The following CYP4V2 variants were observed in gnomAD, a reference collection of about 807,000 sequenced individuals.
CYP4V2 encodes the protein cytochrome P450 family 4 subfamily V member 2.
In CYP4V2, 55 loss-of-function variants were observed where a neutral mutation model predicts 60.8. That is an observed-to-expected ratio of 0.90 (90% CI 0.73 to 1.13). The LOEUF (loss-of-function observed/expected upper bound fraction) is 1.13. Ranked by LOEUF, CYP4V2 falls within the 50% of genes most tolerant of loss-of-function variation. The pLI is 0.00. For synonymous variants in CYP4V2, 239 were observed against 236.8 expected, an observed-to-expected ratio of 1.01 and a Z score of -0.08; for missense variants, 675 against 662.9, an observed-to-expected ratio of 1.02 and a Z score of -0.20.
At position 186,212,858 on chromosome 4, in the gene CYP4V2, A is replaced by G. The variant is rs1736772653; in HGVS notation, c.*2217A>G. 6.6e-6 allele frequency: 1 copy of G among 152,246 alleles called. No homozygotes were observed. Among genetic ancestry groups the G allele is most frequent in the African/African-American group, 2.4e-5 (1 of 41,470 alleles). 9.4% of individuals were successfully genotyped at this position (152,246 alleles called of 1,614,324 possible). On this transcript the variant is annotated 3_prime_UTR_variant, in exon 11 of 11. Transcript: ENST00000378802. ...ATCCCAAAGAGCCACAGTGCCTACA[A>G]CCCAGGCCCTAAGTTGATGAAGAAA...
intron 1 of CYP4V2, 41 bp downstream of exon 1, chr4:186,192,078 A>G: frequency 2.0e-6 from 3 of 1,536,632 alleles, no homozygotes; most frequent in Non-Finnish European, 1.7e-6. Flanking sequence ...CGGGGTCCGC[A>G]GCCCCGTTCC....
At chr4:186,198,463 A>G (rs1579965437) in intron 5 of CYP4V2, among the ~76,000 whole-genome samples, 1 of 152,326 alleles carries the variant, frequency 6.6e-6, no homozygotes, top group South Asian at 2.1e-4. Context: ...AGGAGATCAC[A>G]TAGGGGTCTT....
At chr4:186,200,180 C>T (rs1323388932) in intron 6 of CYP4V2, among the ~76,000 whole-genome samples, 1 of 151,994 alleles carries the variant, frequency 6.6e-6, no homozygotes, top group Non-Finnish European at 1.5e-5. Flanking sequence ...CCTACTGAGG[C>T]CTGGGCTCTA....
intron 7 of CYP4V2, chr4:186,202,849 C>CATGCACAT (rs1736359191): frequency 6.6e-6 from 1 of 152,058 alleles, no homozygotes; most frequent in African/African-American, 2.4e-5. Context: ...CATGCACATA[C>CATGCACAT]ACACACATGC....
rs1391063379 is a variant in CYP4V2, at chr4:186,209,214, A to C, written c.1347A>C (p.Ala449=). The C allele has an allele frequency of 5.6e-6, 9 of 1,614,022 alleles. No homozygotes were observed. Among genetic ancestry groups the C allele is most frequent in the Non-Finnish European group, 7.6e-6 (9 of 1,180,020 alleles). ...FQPERFFPEN[A]QGRHPYAYVP... is the part of the protein sequence containing the mutation. ...CTGAGCGGTTCTTCCCCGAGAATGC[A>C]CAAGGGCGCCATCCATATGCCTACG... is the stretch of plus-strand genomic sequence containing the variant. Residue 449 remains alanine (A), a synonymous_variant, in exon 10 of 11, where the codon GCA becomes GCC. Transcript: ENST00000378802.
At position 186,213,349 on chromosome 4, in the gene CYP4V2, A is replaced by G. The variant is rs1463658668; in HGVS notation, c.*2708A>G. 6.6e-6 allele frequency: 1 copy of G among 152,252 alleles called. No homozygotes were observed. The highest frequency in any genetic ancestry group is 1.5e-5 in the Non-Finnish European group (1 of 68,042). The allele number at this position is 152,252 out of a possible 1,614,324, so 9.4% of individuals were successfully genotyped here. ...AATAAATTCTATTTTAGATGCAGGT[A>G]CTGCATTTTATTCTAAGAATTGATA... On this transcript the variant is annotated 3_prime_UTR_variant, in exon 11 of 11. Transcript: ENST00000378802.
chr4:186,194,705 C>G, intron 2 of CYP4V2, 93 bp downstream of exon 2: 1 of 1,190,920 alleles, frequency 8.4e-7, no homozygotes, highest in Non-Finnish European at 1.2e-6. Context: ...TATATTTCAG[C>G]CATTTCAGCA....
rs72646248 is a variant in CYP4V2, at chr4:186,195,275, T to C, written c.327+663T>C. 7.1e-3 allele frequency among the ~76,000 whole-genome samples: 1,086 copies of C among 152,272 alleles called. 10 individuals carry two copies. The highest frequency in any genetic ancestry group is 0.024 in the African/African-American group (994 of 41,540). Reference sequence around the variant, plus strand: ...TGTCTTTCTAATTATGGTGAAAATGTTGGAGTTTCTCTTGCTTCTCCAGAA... The same window carrying C: ...TGTCTTTCTAATTATGGTGAAAATGCTGGAGTTTCTCTTGCTTCTCCAGAA... On this transcript the variant is annotated intron_variant, in intron 2 of 10. Transcript: ENST00000378802. This position sits in a 1 kb window ranked among gnomAD's most constrained non-coding sequence, Gnocchi z 4.1.
intron 10 of CYP4V2, among the ~76,000 whole-genome samples, chr4:186,209,804 G>A (rs916357263): frequency 9.9e-5 from 15 of 152,164 alleles, no homozygotes; most frequent in Non-Finnish European, 1.8e-4. Flanking sequence ...TTTGGAGAGA[G>A]ACACAATTAC....
Position 186,201,208 on chromosome 4 carries a change from G to A in CYP4V2, c.853G>A (p.Asp285Asn). Residue 285 changes from aspartate (D) to asparagine (N), a missense_variant, in exon 7 of 11, where the codon GAT (aspartate) becomes AAT (asparagine). Transcript: ENST00000378802. Reference sequence around the variant, plus strand: ...GAACGCCAATGAAGACTGTAGAGGTGATGGCAGGGGCTCTGCCCCCTCCAA... The same window carrying A: ...GAACGCCAATGAAGACTGTAGAGGTAATGGCAGGGGCTCTGCCCCCTCCAA... ...EMNANEDCRG[D>N]GRGSAPSKNK... 6.2e-7 allele frequency: 1 copy of A among 1,614,190 alleles called. No homozygotes were observed. The highest frequency in any genetic ancestry group is 2.2e-5 in the East Asian group (1 of 44,860).
Position 186,201,283 on chromosome 4 carries a change from G to T in CYP4V2, c.928G>T (p.Glu310Ter), listed in dbSNP as rs894863416. The T allele has an allele frequency of 1.9e-6, 3 of 1,614,064 alleles. No individual in the cohort carries two copies. Among genetic ancestry groups the T allele is most frequent in the Non-Finnish European group, 2.5e-6 (3 of 1,180,046 alleles). ...LDLLLSVTDDEGNRLSHEDIR... is the reference protein window; with the variant it reads ...LDLLLSVTDD ...CTTGCTTTTAAGTGTGACTGATGACGAAGGGAACAGGCTAAGTCATGAAGA... is the reference window on the plus strand; with the variant it reads ...CTTGCTTTTAAGTGTGACTGATGACTAAGGGAACAGGCTAAGTCATGAAGA... Residue 310 changes from glutamate (E) to a stop codon, truncating the protein, a stop_gained, in exon 7 of 11, where the codon GAA (glutamate) becomes TAA (stop). Coordinates refer to ENST00000378802, the MANE Select transcript of CYP4V2 (RefSeq NM_207352.4). LOFTEE classifies it high-confidence loss of function.
Position 186,209,255 on chromosome 4 carries a change from G to A in CYP4V2, c.1388G>A (p.Gly463Asp), listed in dbSNP as rs749375330. ...TATGCCTACGTGCCCTTCTCTGCTG[G>A]CCCCAGGAACTGTATAGGTTTGTAT... ...HPYAYVPFSA[G>D]PRNCIGQKFA... The change falls in exon 10 of 11, where the codon GGC becomes GAC. Residue 463 changes from glycine (G) to aspartate (D), a missense_variant. By Grantham distance (94) the Gly-to-Asp change is moderately conservative. Transcript: ENST00000378802. The A allele has an allele frequency of 6.2e-7, 1 of 1,613,760 alleles. No individual in the cohort carries two copies. Among genetic ancestry groups the A allele is most frequent in the Non-Finnish European group, 8.5e-7 (1 of 1,179,972 alleles).
chr4:186,210,707 C>T lies in CYP4V2; in HGVS notation c.*66C>T, dbSNP rs761490491. On this transcript the variant is annotated 3_prime_UTR_variant, in exon 11 of 11. Transcript: ENST00000378802. ...TATTTTAAGAGATCCTTGTCATTTA[C>T]AATTTACAGATCATGAGTTCAATAT... The T allele has an allele frequency of 6.3e-5, 100 of 1,594,668 alleles. No homozygotes were observed. The South Asian group carries it at 7.0e-4, about 11-fold the overall frequency.
In CYP4V2 at chr4:186,212,715, CAT is replaced by C. The variant is rs1371625389; in HGVS notation, c.*2075_*2076del. 1 of 152,200 alleles carries C rather than the reference CAT, an allele frequency of 6.6e-6. No homozygotes were observed. Among genetic ancestry groups the C allele is most frequent in the African/African-American group, 2.4e-5 (1 of 41,448 alleles). The allele number at this position is 152,200 out of a possible 1,614,324, so 9.4% of individuals were successfully genotyped here. On this transcript the variant is annotated 3_prime_UTR_variant, in exon 11 of 11. Coordinates refer to ENST00000378802, the MANE Select transcript of CYP4V2 (RefSeq NM_207352.4). ...GAAGCTTGCAATCAAGAGGGTAGGA[CAT>C]GTGTTCTTCAATGGATATCAAAGGA...
intron 7 of CYP4V2, chr4:186,203,104 G>A (rs1194203018): frequency 6.6e-6 from 1 of 151,858 alleles, no homozygotes; most frequent in Admixed American, 6.6e-5. Flanking sequence ...ATGTACACTC[G>A]TGTACATAAG....
chr4:186,191,705 C>T lies in CYP4V2; in HGVS notation c.-119C>T. Reference sequence around the variant, plus strand: ...TTCCGGGGACCGGGCGACCCCGCAGCGGGGAGCGCGCCAGGTCCGCGCGGG... The same window carrying T: ...TTCCGGGGACCGGGCGACCCCGCAGTGGGGAGCGCGCCAGGTCCGCGCGGG... On this transcript the variant is annotated 5_prime_UTR_variant, in exon 1 of 11. Transcript: ENST00000378802. 1.0e-6 allele frequency: 1 copy of T among 985,008 alleles called. No individual in the cohort carries two copies. Among genetic ancestry groups the T allele is most frequent in the Non-Finnish European group, 1.3e-6 (1 of 764,532 alleles). 61.0% of individuals were successfully genotyped at this position (985,008 alleles called of 1,614,324 possible).
chr4:186,199,963 A>C (rs1275570933), intron 6 of CYP4V2, among the ~76,000 whole-genome samples: 7 of 152,196 alleles, frequency 4.6e-5, no homozygotes, highest in African/African-American at 1.7e-4. Flanking sequence ...CAAATGATGA[A>C]TAAATCAGTA....
intron 6 of CYP4V2, among the ~76,000 whole-genome samples, chr4:186,200,034 TAGG>T (rs1230545489): frequency 5.3e-5 from 8 of 152,284 alleles, no homozygotes; most frequent in African/African-American, 9.6e-5. Context: ...CACCTGGTTA[TAGG>T]AGAATAGCCA....
At chr4:186,193,388 T>G (rs1189126411) in intron 1 of CYP4V2, among the ~76,000 whole-genome samples, 1 of 152,218 alleles carries the variant, frequency 6.6e-6, no homozygotes, top group Non-Finnish European at 1.5e-5. Flanking sequence ...CTCCTTGTAG[T>G]CACTTTCAGA....
Sources: gnomAD v4.1 joint callset for allele counts (sites outside exome capture counted in the v4.1 genomes callset) on GRCh38, gnomAD v4.1.1 for gene constraint, Gnocchi (gnomAD v3.1) non-coding constraint, MANE v1.5 for transcripts, NCBI Gene and HGNC (gene_info 2026-07-23, HGNC 2026-07-21) for gene names.